The following SLC13A4 variants were observed in gnomAD, a reference collection of about 807,000 sequenced individuals.
SLC13A4 encodes the protein Na(+)/sulfate cotransporter SUT-1.
A neutral mutation model predicts 72.7 loss-of-function variants in SLC13A4; 28 were observed. The ratio of observed to expected loss-of-function variants is 0.39; its 90% CI spans 0.29 to 0.53. SLC13A4 has a LOEUF of 0.53. SLC13A4 is among the 20% of genes least tolerant of loss of function. The pLI is 0.78. For missense variants in SLC13A4, 653 were observed against 788.0 expected (o/e 0.83, Z 2.05); for synonymous variants, 312 against 325.5 (o/e 0.96, Z 0.45).
intron 8 of SLC13A4, 23 bp downstream of exon 8, chr7:135,699,341 T>C: frequency 6.3e-7 from 1 of 1,594,112 alleles, no homozygotes; most frequent in Non-Finnish European, 8.6e-7. Context: ...AGTAAATATT[T>C]GTTGACCAAG....
chr7:135,684,655 T>A (rs1194676807), intron 14 of SLC13A4, among the ~76,000 whole-genome samples: 2 of 152,020 alleles, frequency 1.3e-5, no homozygotes, highest in Admixed American at 1.3e-4. Flanking sequence ...GGTTTTTTTT[T>A]TTTTTTTTTC....
At chr7:135,712,444 G>A (rs1584735642) in intron 2 of SLC13A4, among the ~76,000 whole-genome samples, 1 of 141,454 alleles carries the variant, frequency 7.1e-6, no homozygotes, top group South Asian at 2.3e-4. Context: ...AGCCTCTCTG[G>A]GCTTCATTTT....
chr7:135,714,248 A>G (rs1385363396), intron 2 of SLC13A4, among the ~76,000 whole-genome samples: 1 of 152,258 alleles, frequency 6.6e-6, no homozygotes, highest in East Asian at 1.9e-4. Context: ...AGAGACCCAG[A>G]TGGGTGCTGG....
intron 15 of SLC13A4, among the ~76,000 whole-genome samples, chr7:135,682,071 C>T (rs73160709): frequency 0.26 from 39,118 of 152,112 alleles, 5,598 homozygotes; most frequent in Middle Eastern, 0.44. Context: ...CTCAGAGCCC[C>T]GATGCGTTAA....
At chr7:135,716,634 A>C (rs1796439373) in intron 2 of SLC13A4, among the ~76,000 whole-genome samples, 1 of 152,158 alleles carries the variant, frequency 6.6e-6, no homozygotes, top group African/African-American at 2.4e-5. Context: ...AATTCAACGG[A>C]GGATTTTGGT....
intron 3 of SLC13A4, chr7:135,707,856 G>A: frequency 2.5e-6 from 1 of 400,000 alleles, no homozygotes; most frequent in Non-Finnish European, 4.5e-6. Flanking sequence ...GCCCCTATAT[G>A]TTGTAAGCTG....
intron 2 of SLC13A4, among the ~76,000 whole-genome samples, chr7:135,720,274 T>C (rs1372967765): frequency 6.6e-6 from 1 of 152,152 alleles, no homozygotes; most frequent in Admixed American, 6.5e-5. Context: ...AGTGATCAAG[T>C]GTATACACTT....
chr7:135,684,386 G>C (rs1584713312), intron 14 of SLC13A4, 125 bp from the exon 15 acceptor site: 11 of 1,134,596 alleles, frequency 9.7e-6, no homozygotes, highest in Non-Finnish European at 1.1e-5. Flanking sequence ...ATGTGGAGGG[G>C]TAGTTAGGTC....
At chr7:135,709,879 T>G (rs1273074370) in intron 2 of SLC13A4, among the ~76,000 whole-genome samples, 1 of 152,232 alleles carries the variant, frequency 6.6e-6, no homozygotes, top group African/African-American at 2.4e-5. Flanking sequence ...GATTGCTTCC[T>G]GATTGTACTG....
At chr7:135,684,750 C>T (rs951893966) in intron 14 of SLC13A4, among the ~76,000 whole-genome samples, 6 of 151,218 alleles carry the variant, frequency 4.0e-5, no homozygotes, top group Admixed American at 2.6e-4. Flanking sequence ...CTCTGTTGCT[C>T]GCAGGAGCAA....
At position 135,683,754 on chromosome 7, in the gene SLC13A4, A is replaced by G. The variant is rs576807100; in HGVS notation, c.1746+370T>C. On this transcript the variant is annotated intron_variant, in intron 15 of 15. Transcript: ENST00000682651. Reference sequence around the variant, plus strand: ...TAGGTTCATACACTTCCTCATTCTCATCTTCTGTGAATAAACCAGTAGCTT... The same window carrying G: ...TAGGTTCATACACTTCCTCATTCTCGTCTTCTGTGAATAAACCAGTAGCTT... The G allele has an allele frequency of 7.1e-6, 7 of 985,362 alleles. No individual in the cohort carries two copies. In the African/African-American group the frequency reaches 1.2e-4, roughly 17 times the overall value. 61.0% of individuals were successfully genotyped at this position (985,362 alleles called of 1,614,324 possible). A position where few individuals can be genotyped will look rare whatever the true frequency, so the allele number is the denominator to read the frequency against.
rs1347994753 is a variant in SLC13A4, at chr7:135,727,413, G to A, written c.84C>T (p.Val28=). ...CGGTACTCACGCTGCTGGGGTGGAG[G>A]ACGGGCAGAGGCAGCAGCAGGAGCG... ...CVPLLLLPLP[V]LHPSSEASCA... is the part of the protein sequence containing the mutation. Residue 28 remains valine, a synonymous_variant, in exon 1 of 16, where the codon GTC becomes GTT. Transcript: ENST00000682651. 3 of 1,549,500 alleles carry A rather than the reference G, an allele frequency of 1.9e-6. No homozygotes were observed. The highest frequency in any genetic ancestry group is 2.7e-5 in the African/African-American group (2 of 72,978).
At chr7:135,686,332 A>C (rs79339285) in intron 13 of SLC13A4, among the ~76,000 whole-genome samples, 1 of 152,030 alleles carries the variant, frequency 6.6e-6, no homozygotes, top group Non-Finnish European at 1.5e-5. Context: ...TTTAGGTTCA[A>C]ATCTCATCAT....
At chr7:135,702,776 G>T (rs753428294) in intron 6 of SLC13A4, 69 bp downstream of exon 6, 49 of 1,303,452 alleles carry the variant, frequency 3.8e-5, no homozygotes, top group Non-Finnish European at 5.5e-5. Context: ...CTGAATCTTG[G>T]GTTTCCATGA....
intron 15 of SLC13A4, chr7:135,683,727 C>T: frequency 7.1e-6 from 7 of 985,384 alleles, no homozygotes; most frequent in Non-Finnish European, 8.4e-6. Context: ...TACCTTTCAC[C>T]CTAGGTTCAT....
intron 1 of SLC13A4, among the ~76,000 whole-genome samples, chr7:135,724,168 C>T (rs554531024): frequency 6.6e-6 from 1 of 151,978 alleles, no homozygotes; most frequent in Admixed American, 6.6e-5. Flanking sequence ...CTACAAGTTA[C>T]AAGTTAAGGG....
chr7:135,711,940 C>G (rs1026417550), intron 2 of SLC13A4, among the ~76,000 whole-genome samples: 5 of 138,120 alleles, frequency 3.6e-5, no homozygotes, highest in Non-Finnish European at 6.2e-5. Context: ...AGTGAAACCA[C>G]TACACCTGGC....
Position 135,711,282 on chromosome 7 carries a change from C to CG in SLC13A4, c.229-3033_229-3032insC, listed in dbSNP as rs570563339. Reference sequence around the variant, plus strand: ...TCAGTGCGACTGGGGTGTCTTTCCCCAGGGACTGACTGACAAGAGCTACGT... The same window carrying CG: ...TCAGTGCGACTGGGGTGTCTTTCCCCGAGGGACTGACTGACAAGAGCTACGT... On this transcript the variant is annotated intron_variant, in intron 2 of 15. Coordinates refer to ENST00000682651, the MANE Select transcript of SLC13A4 (RefSeq NM_001318192.2). 8.8e-3 allele frequency among the ~76,000 whole-genome samples: 1,343 copies of CG among 152,204 alleles called. 21 individuals are homozygous for CG. Among genetic ancestry groups the CG allele is most frequent in the East Asian group, 0.063 (324 of 5,156 alleles).
rs774527135 is a variant in SLC13A4, at chr7:135,681,638, G to T, written c.1809C>A (p.Thr603=). Reference sequence around the variant, plus strand: ...CCAGGTGGAAGAGGCTAACTCCCCAGGTGTTGATGGCCACCATTACTATCA... The same window carrying T: ...CCAGGTGGAAGAGGCTAACTCCCCATGTGTTGATGGCCACCATTACTATCA... ...GLVIVMVAIN[T]WGVSLFHLDT... is the part of the protein sequence containing the mutation. Residue 603 remains threonine, a synonymous_variant, in exon 16 of 16, where the codon ACC becomes ACA. Transcript: ENST00000682651. 4 of 1,614,166 alleles carry T rather than the reference G, an allele frequency of 2.5e-6. No individual in the cohort carries two copies. The highest frequency in any genetic ancestry group is 3.4e-6 in the Non-Finnish European group (4 of 1,179,998).
Sources: allele counts gnomAD v4.1 joint callset (sites outside exome capture counted in the v4.1 genomes callset), GRCh38; gene constraint gnomAD v4.1.1; transcripts MANE v1.5; gene names NCBI Gene and HGNC (gene_info 2026-07-23, HGNC 2026-07-21).